The following SLC38A10 variants were observed in gnomAD, a reference collection of about 807,000 sequenced individuals.
SLC38A10 encodes the protein Sodium-coupled neutral amino acid transporter 10.
In SLC38A10, 53 loss-of-function variants were observed where a neutral mutation model predicts 81.0. The observed-to-expected ratio is 0.65, with a 90% CI of 0.53 to 0.82. The LOEUF is 0.82. Among genes scored for constraint, SLC38A10 ranks in the 40% least tolerant of loss-of-function variants. The pLI is 0.00. For synonymous variants in SLC38A10, 665 were observed against 655.3 expected (o/e 1.01, Z -0.23); for missense variants, 1,471 against 1,545.0 (o/e 0.95, Z 0.80).
Position 81,283,520 on chromosome 17 carries a change from G to A in SLC38A10, c.264-18C>T. 2 of 1,597,160 alleles carry A rather than the reference G, an allele frequency of 1.3e-6. No individual in the cohort carries two copies. The highest frequency in any genetic ancestry group is 1.7e-6 in the Non-Finnish European group (2 of 1,171,138). Reference sequence around the variant, plus strand: ...CGATCATGCTGCACAGGGACGGGGGGTACGGGAAATGCCATCAGGGCAAGC... The same window carrying A: ...CGATCATGCTGCACAGGGACGGGGGATACGGGAAATGCCATCAGGGCAAGC... On this transcript the variant is annotated intron_variant, in intron 3 of 15. Transcript: ENST00000374759. The surrounding 1 kb of genome is among the most constrained non-coding windows in gnomAD (Gnocchi z 4.7).
At chr17:81,255,082 G>A (rs1278251018) in intron 11 of SLC38A10, among the ~76,000 whole-genome samples, 1 of 152,264 alleles carries the variant, frequency 6.6e-6, no homozygotes, top group Non-Finnish European at 1.5e-5. Flanking sequence ...CCGCGGGACG[G>A]GAAGTGAGCA....
chr17:81,253,586 C>T lies in SLC38A10; in HGVS notation c.1289-346G>A, dbSNP rs1264021961. 6.6e-6 allele frequency among the ~76,000 whole-genome samples: 1 copy of T among 151,006 alleles called. No individual in the cohort carries two copies. Among genetic ancestry groups the T allele is most frequent in the Non-Finnish European group, 1.5e-5 (1 of 67,708 alleles). On this transcript the variant is annotated intron_variant, in intron 11 of 15. Coordinates refer to ENST00000374759, the MANE Select transcript of SLC38A10 (RefSeq NM_001037984.3). The surrounding 1 kb of genome is among the most constrained non-coding windows in gnomAD (Gnocchi z 4.1). Reference sequence around the variant, plus strand: ...TCCATCATCACCGTCATCACCGTCACCTCCACCACCACCACCACCATCACC... The same window carrying T: ...TCCATCATCACCGTCATCACCGTCATCTCCACCACCACCACCACCATCACC...
Position 81,281,942 on chromosome 17 carries a change from C to G in SLC38A10, c.501+247G>C, listed in dbSNP as rs768044508. ...CGACATGAAACCAGCCTCAGAGCCACCCCTGCCCTGAGCCCCAGCCTCTCC... is the reference window on the plus strand; with the variant it reads ...CGACATGAAACCAGCCTCAGAGCCAGCCCTGCCCTGAGCCCCAGCCTCTCC... On this transcript the variant is annotated intron_variant, in intron 5 of 15. Transcript: ENST00000374759. This position sits in a 1 kb window ranked among gnomAD's most constrained non-coding sequence, Gnocchi z 5.3. 6.6e-6 allele frequency among the ~76,000 whole-genome samples: 1 copy of G among 152,190 alleles called. No homozygotes were observed. The highest frequency in any genetic ancestry group is 1.5e-5 in the Non-Finnish European group (1 of 68,018).
chr17:81,248,626 G>A (rs1598376426), intron 14 of SLC38A10, among the ~76,000 whole-genome samples: 3 of 152,266 alleles, frequency 2.0e-5, no homozygotes, highest in Admixed American at 1.3e-4. Flanking sequence ...CAATCCAGGA[G>A]CGAGAAGGAT....
intron 8 of SLC38A10, 76 bp downstream of exon 8, chr17:81,275,893 C>T (rs1301288529): frequency 2.8e-5 from 41 of 1,472,308 alleles, no homozygotes; most frequent in Admixed American, 4.2e-5. Context: ...ATCTCTGGTT[C>T]GGGACAGCTG....
chr17:81,289,434 G>A lies in SLC38A10; in HGVS notation c.217+257C>T, dbSNP rs768894536. Reference sequence around the variant, plus strand: ...GTCACCCAGGCTGGAATACAATGGCGTGATCACAGCTCACTGCCACCTCAG... The same window carrying A: ...GTCACCCAGGCTGGAATACAATGGCATGATCACAGCTCACTGCCACCTCAG... On this transcript the variant is annotated intron_variant, in intron 2 of 15. Transcript: ENST00000374759. The surrounding 1 kb of genome is among the most constrained non-coding windows in gnomAD (Gnocchi z 5.9). Among the ~76,000 whole-genome samples the A allele has an allele frequency of 6.6e-6, 1 of 151,618 alleles. No individual in the cohort carries two copies. Among genetic ancestry groups the A allele is most frequent in the Non-Finnish European group, 1.5e-5 (1 of 67,972 alleles).
chr17:81,291,654 C>T (rs1454948960), intron 1 of SLC38A10, among the ~76,000 whole-genome samples: 1 of 152,170 alleles, frequency 6.6e-6, no homozygotes, highest in Non-Finnish European at 1.5e-5. Context: ...GCGGAGCACA[C>T]GCACCCTGGG....
At chr17:81,247,950 C>CTTTTTT (rs34228716) in intron 14 of SLC38A10, among the ~76,000 whole-genome samples, 68 of 73,084 alleles carry the variant, frequency 9.3e-4, no homozygotes, top group Non-Finnish European at 1.1e-3. Flanking sequence ...CAAAAGCTGT[C>CTTTTTT]TTTTTTTTTT....
Position 81,276,103 on chromosome 17 carries a change from C to T in SLC38A10, c.778G>A (p.Val260Met), listed in dbSNP as rs547977697. ...AGGTTGGAGGGAAAGTGCATGAGCA[C>T]GTTGCCGGCCGTGGCCTCGGTGAAG... is the stretch of plus-strand genomic sequence containing the variant. The part of the protein sequence containing the change: ...VSFTEATAGN[V>M]LMHFPSNLVT... Residue 260 changes from valine (V) to methionine (M), a missense_variant, in exon 8 of 16, where the codon GTG becomes ATG. Transcript: ENST00000374759. This position sits in a 1 kb window ranked among gnomAD's most constrained non-coding sequence, Gnocchi z 4.7. 8 of 1,613,760 alleles carry T rather than the reference C, an allele frequency of 5.0e-6. No individual in the cohort carries two copies. In the East Asian group the frequency reaches 6.7e-5, roughly 13 times the overall value.
intron 9 of SLC38A10, 57 bp downstream of exon 9, chr17:81,272,459 T>C (rs2063125013): frequency 1.7e-5 from 20 of 1,171,688 alleles, no homozygotes; most frequent in Non-Finnish European, 1.7e-5. Context: ...CAGGTCTTGG[T>C]TGATGCCGAA....
Position 81,253,353 on chromosome 17 carries a change from TC to T in SLC38A10, c.1289-114del. 2 of 1,322,252 alleles carry T rather than the reference TC, an allele frequency of 1.5e-6. No homozygotes were observed. The highest frequency in any genetic ancestry group is 1.5e-5 in the African/African-American group (1 of 67,964). The allele number at this position is 1,322,252 out of a possible 1,614,324, so 81.9% of individuals were successfully genotyped here. A position where few individuals can be genotyped will look rare whatever the true frequency, so the allele number is the denominator to read the frequency against. On this transcript the variant is annotated intron_variant, in intron 11 of 15. Coordinates refer to ENST00000374759, the MANE Select transcript of SLC38A10 (RefSeq NM_001037984.3). This position sits in a 1 kb window ranked among gnomAD's most constrained non-coding sequence, Gnocchi z 4.1. ...GCCAAATGGCAGAGTCAAAGCAGTT[TC>T]TTTTTCCTGTTCGATCATTAGCAGC...
Position 81,252,369 on chromosome 17 carries a change from G to T in SLC38A10, c.1771C>A (p.Pro591Thr), listed in dbSNP as rs749134609. 1 of 1,613,144 alleles carries T rather than the reference G, an allele frequency of 6.2e-7. No homozygotes were observed. The highest frequency in any genetic ancestry group is 8.5e-7 in the Non-Finnish European group (1 of 1,179,996). ...PEADGQPAVQ[P>T]AKEDLGPGDR... ...CCTGGCCCCAGGTCCTCCTTTGCAG[G>T]CTGGACAGCTGGCTGACCATCTGCT... The change falls in exon 13 of 16, where the codon CCT (proline) becomes ACT (threonine). Residue 591 changes from proline to threonine, a missense_variant. This residue lies in a region of SLC38A10 where 720 missense variants were observed against 827.7 expected (regional missense o/e 0.87). Transcript: ENST00000374759.
Position 81,245,272 on chromosome 17 carries a change from C to G in SLC38A10, c.*284G>C. 2.6e-6 allele frequency: 1 copy of G among 377,888 alleles called. No individual in the cohort carries two copies. The highest frequency in any genetic ancestry group is 4.8e-6 in the Non-Finnish European group (1 of 209,820). 23.4% of individuals were successfully genotyped at this position (377,888 alleles called of 1,614,324 possible). A position where few individuals can be genotyped will look rare whatever the true frequency, so the allele number is the denominator to read the frequency against. The stretch of plus-strand genomic sequence containing the variant: ...CTGAGCCTGGGAGTGCACCAGCCAG[C>G]TCGCAGCGGAGGCCGTTTCTCCTCA... On this transcript the variant is annotated 3_prime_UTR_variant, in exon 16 of 16. Coordinates refer to ENST00000374759, the MANE Select transcript of SLC38A10 (RefSeq NM_001037984.3).
chr17:81,285,016 G>T, intron 2 of SLC38A10, 121 bp from the exon 3 acceptor site: 2 of 712,808 alleles, frequency 2.8e-6, no homozygotes, highest in Non-Finnish European at 4.3e-6. Context: ...GATTCTCCGG[G>T]GCATGAGGGG....
intron 10 of SLC38A10, among the ~76,000 whole-genome samples, chr17:81,262,089 G>C (rs1443885190): frequency 6.6e-6 from 1 of 152,222 alleles, no homozygotes; most frequent in Non-Finnish European, 1.5e-5. Context: ...GAAGAAACCG[G>C]AACTCTCGCG....
intron 11 of SLC38A10, among the ~76,000 whole-genome samples, chr17:81,255,087 T>C (rs1375090178): frequency 1.3e-5 from 2 of 152,210 alleles, no homozygotes; most frequent in African/African-American, 2.4e-5. Context: ...GGACGGGAAG[T>C]GAGCACGGTG....
In SLC38A10 at chr17:81,282,332, C is replaced by G; in HGVS notation, c.358G>C (p.Val120Leu). The change falls in exon 5 of 16, where the codon GTG becomes CTG. Residue 120 changes from valine (V) to leucine (L), a missense_variant and splice_region_variant. By Grantham distance (32) the Val-to-Leu change is conservative. Coordinates refer to ENST00000374759, the MANE Select transcript of SLC38A10 (RefSeq NM_001037984.3). ...NFFARLFGFQ[V>L]GGTFRMFLLF... ...AGGAACATGCGGAAGGTGCCGCCCA[C>G]CTGCGGGGAGCCGGCAGGGGGTCTT... 6 of 1,608,748 alleles carry G rather than the reference C, an allele frequency of 3.7e-6. No individual in the cohort carries two copies. The highest frequency in any genetic ancestry group is 5.1e-6 in the Non-Finnish European group (6 of 1,177,914).
intron 14 of SLC38A10, 132 bp from the exon 15 acceptor site, chr17:81,247,193 T>TG (rs1477063753): frequency 2.2e-6 from 2 of 911,358 alleles, no homozygotes; most frequent in Non-Finnish European, 3.2e-6. Context: ...TGGCCACTGG[T>TG]GACACCCATC....
chr17:81,277,541 G>A lies in SLC38A10; in HGVS notation c.627-408C>T, dbSNP rs1326051850. Among the ~76,000 whole-genome samples the A allele has an allele frequency of 2.6e-5, 4 of 152,080 alleles. No individual in the cohort carries two copies. The highest frequency in any genetic ancestry group is 2.9e-5 in the Non-Finnish European group (2 of 67,980). The stretch of plus-strand genomic sequence containing the variant: ...GCCTGGGCGGCCGGCCCATCTCGGC[G>A]CCTCCATCTCGGCGCCTCCGCACAG... On this transcript the variant is annotated intron_variant, in intron 6 of 15. Transcript: ENST00000374759. The surrounding 1 kb of genome is among the most constrained non-coding windows in gnomAD (Gnocchi z 4.5).
Sources: allele counts gnomAD v4.1 joint callset (sites outside exome capture counted in the v4.1 genomes callset), GRCh38; gene constraint gnomAD v4.1.1; regional missense constraint gnomAD v4.1.1; non-coding constraint Gnocchi (gnomAD v3.1); transcripts MANE v1.5; gene names NCBI Gene and HGNC (gene_info 2026-07-23, HGNC 2026-07-21).